The following LARGE1 variants were observed in gnomAD, a reference collection of about 807,000 sequenced individuals.
LARGE1 encodes xylosyl- and glucuronyltransferase LARGE1.
In LARGE1, 43 loss-of-function variants were observed where a neutral mutation model predicts 87.6. The ratio of observed to expected loss-of-function variants is 0.49; its 90% CI spans 0.38 to 0.63. The LOEUF (loss-of-function observed/expected upper bound fraction) is 0.63, where lower values mean the gene tolerates loss of function less well. LARGE1 is among the 30% of genes least tolerant of loss of function. The pLI, the probability that LARGE1 is intolerant of heterozygous loss-of-function variation, is 0.00. For synonymous variants in LARGE1, 434 were observed against 394.6 expected, an observed-to-expected ratio of 1.10 and a Z score of -1.18; for missense variants, 802 against 1,000.2, an observed-to-expected ratio of 0.80 and a Z score of 2.67.
At chr22:33,373,007 T>C (rs1484967349) in intron 9 of LARGE1, among the ~76,000 whole-genome samples, 1 of 152,208 alleles carries the variant, frequency 6.6e-6, no homozygotes, top group Non-Finnish European at 1.5e-5. Context: ...TAAATTTTTG[T>C]CTTAAAGTAA....
intron 4 of LARGE1, among the ~76,000 whole-genome samples, chr22:33,620,356 T>C (rs2079709253): frequency 6.6e-6 from 1 of 152,204 alleles, no homozygotes; most frequent in Non-Finnish European, 1.5e-5. Flanking sequence ...ATATTTCTTT[T>C]CTCTGCTCCC....
At chr22:33,530,817 T>C (rs562984145) in intron 6 of LARGE1, among the ~76,000 whole-genome samples, 24 of 152,352 alleles carry the variant, frequency 1.6e-4, no homozygotes, top group Admixed American at 1.1e-3. Context: ...GCCTACATGA[T>C]GCACCCTGGA....
chr22:33,248,189 A>T (rs371705526), intron 11 of LARGE1, among the ~76,000 whole-genome samples: 3 of 151,522 alleles, frequency 2.0e-5, no homozygotes, highest in African/African-American at 7.3e-5. Context: ...ACTTGTAGAC[A>T]TTTTTTTTAT....
chr22:33,776,760 A>G (rs1374496629), intron 1 of LARGE1, among the ~76,000 whole-genome samples: 1 of 152,164 alleles, frequency 6.6e-6, no homozygotes, highest in African/African-American at 2.4e-5. Context: ...CGTGCAGTGT[A>G]TTGTTCTTCC....
chr22:33,554,047 C>G (rs1273417318), intron 6 of LARGE1, among the ~76,000 whole-genome samples: 2 of 152,152 alleles, frequency 1.3e-5, no homozygotes, highest in African/African-American at 4.8e-5. Context: ...GCAGCGGCAG[C>G]TGGAGGCAGC....
Position 33,194,612 on chromosome 22 carries a change from G to C in LARGE1, c.1731-27780C>G, listed in dbSNP as rs991678366. 5.3e-5 allele frequency among the ~76,000 whole-genome samples: 8 copies of C among 152,272 alleles called. No homozygotes were observed. In the East Asian group the frequency reaches 1.5e-3, roughly 29 times the overall value. ...AAGAACTTCTGTCCATCCACTTCTTGCAGTCTCTACTAAGATTAAGGGTCA... is the reference window on the plus strand; with the variant it reads ...AAGAACTTCTGTCCATCCACTTCTTCCAGTCTCTACTAAGATTAAGGGTCA... On this transcript the variant is annotated intron_variant, in intron 11 of 11. Transcript: ENST00000608642.
At chr22:33,852,311 GTT>G (rs140737029) in intron 1 of LARGE1, among the ~76,000 whole-genome samples, 1 of 149,676 alleles carries the variant, frequency 6.7e-6, no homozygotes, top group East Asian at 2.0e-4. Flanking sequence ...CCCAGATGAA[GTT>G]TTTTTTTTCC....
At chr22:33,669,441 A>G (rs2149259157) in intron 2 of LARGE1, among the ~76,000 whole-genome samples, 1 of 152,342 alleles carries the variant, frequency 6.6e-6, no homozygotes, top group South Asian at 2.1e-4. Flanking sequence ...TCCTCCTATT[A>G]TAGGGATAAG....
chr22:33,736,782 G>A lies in LARGE1; in HGVS notation c.106+24589C>T, dbSNP rs9621762. ...CAGCTTTAGCTCTGATCTTTTGGTTGATTTACTTTATTTTCATTTTTACTC... is the reference window on the plus strand; with the variant it reads ...CAGCTTTAGCTCTGATCTTTTGGTTAATTTACTTTATTTTCATTTTTACTC... On this transcript the variant is annotated intron_variant, in intron 2 of 14. Coordinates refer to ENST00000397394, the MANE Select transcript of LARGE1 (RefSeq NM_133642.5). Among the ~76,000 whole-genome samples, 677 of 152,176 alleles carry A rather than the reference G, an allele frequency of 4.4e-3. 7 individuals carry two copies. Among genetic ancestry groups the A allele is most frequent in the African/African-American group, 0.015 (640 of 41,514 alleles).
intron 1 of LARGE1, among the ~76,000 whole-genome samples, chr22:33,881,196 G>A (rs1360038927): frequency 1.3e-5 from 2 of 152,054 alleles, no homozygotes; most frequent in Non-Finnish European, 2.9e-5. Flanking sequence ...ACACAGTTAC[G>A]AGCCCCCCGG....
intron 1 of LARGE1, among the ~76,000 whole-genome samples, chr22:33,919,489 C>T (rs1378316700): frequency 6.6e-6 from 1 of 152,212 alleles, no homozygotes; most frequent in East Asian, 1.9e-4. Flanking sequence ...ATAGCAATGC[C>T]AACCAACCAC....
At chr22:33,299,186 C>T (rs1344300031) in intron 12 of LARGE1, among the ~76,000 whole-genome samples, 5 of 150,782 alleles carry the variant, frequency 3.3e-5, no homozygotes, top group Non-Finnish European at 4.4e-5. Context: ...CCACTCCAGC[C>T]TGAGCAACAG....
At chr22:33,586,583 A>C (rs551973203) in intron 5 of LARGE1, among the ~76,000 whole-genome samples, 1 of 151,086 alleles carries the variant, frequency 6.6e-6, no homozygotes, top group African/African-American at 2.4e-5. Context: ...TCAGCCTCCC[A>C]AGTAGCTGGG....
At chr22:33,882,516 A>T (rs1569010401) in intron 1 of LARGE1, among the ~76,000 whole-genome samples, 1 of 152,214 alleles carries the variant, frequency 6.6e-6, no homozygotes, top group East Asian at 1.9e-4. Flanking sequence ...ACCTCTCAGC[A>T]GGGGGGCATT....
At chr22:33,790,031 T>C (rs777159682) in intron 1 of LARGE1, among the ~76,000 whole-genome samples, 2 of 152,116 alleles carry the variant, frequency 1.3e-5, no homozygotes, top group Non-Finnish European at 2.9e-5. Flanking sequence ...AATGATATGG[T>C]TTGGCTGTGT....
chr22:33,134,255 C>CTTT, the LARGE1 span, among the ~76,000 whole-genome samples: 41 of 124,358 alleles, frequency 3.3e-4, no homozygotes, highest in African/African-American at 7.1e-4. Flanking sequence ...AAAGAACTCC[C>CTTT]TTTTTTTTTT....
chr22:33,276,676 C>T (rs1344731359), intron 14 of LARGE1, among the ~76,000 whole-genome samples: 2 of 152,242 alleles, frequency 1.3e-5, no homozygotes, highest in Admixed American at 6.5e-5. Flanking sequence ...GAATAACTAG[C>T]TGCATCTTAG....
At chr22:33,641,314 G>A (rs2080425161) in intron 3 of LARGE1, among the ~76,000 whole-genome samples, 1 of 152,092 alleles carries the variant, frequency 6.6e-6, no homozygotes, top group Non-Finnish European at 1.5e-5. Flanking sequence ...CCTGTTAGAA[G>A]GAAAACTAAC....
chr22:33,493,224 G>A (rs936665843), intron 6 of LARGE1, among the ~76,000 whole-genome samples: 4 of 148,042 alleles, frequency 2.7e-5, no homozygotes, highest in African/African-American at 5.0e-5. Context: ...GCAGTGGTGC[G>A]ATCTCGGCTC....
Sources: allele counts gnomAD v4.1 joint callset (sites outside exome capture counted in the v4.1 genomes callset), GRCh38; gene constraint gnomAD v4.1.1; transcripts MANE v1.5; gene names NCBI Gene and HGNC (gene_info 2026-07-23, HGNC 2026-07-21).